Variants in MPPE1 observed in about 807,000 individuals in gnomAD.
MPPE1 encodes metallophosphoesterase 1, also known as metallo phosphoesterase.
In MPPE1, 28 loss-of-function variants were observed where a neutral mutation model predicts 43.8. That is an observed-to-expected ratio of 0.64 (90% CI 0.47 to 0.88). The LOEUF is 0.88. MPPE1 is among the 40% of genes least tolerant of loss of function. MPPE1 has a pLI of 0.00. For missense variants in MPPE1, 428 were observed against 492.2 expected, an observed-to-expected ratio of 0.87 and a Z score of 1.23; for synonymous variants, 159 against 188.5, an observed-to-expected ratio of 0.84 and a Z score of 1.28.
intron 4 of MPPE1, among the ~76,000 whole-genome samples, chr18:11,891,938 C>T (rs902867908): frequency 2.0e-5 from 3 of 151,028 alleles, no homozygotes; most frequent in African/African-American, 7.4e-5. Flanking sequence ...CTTCAGCCTC[C>T]TGAGTAGCGG....
chr18:11,890,164 G>T (rs565308555), intron 4 of MPPE1, among the ~76,000 whole-genome samples: 9 of 151,326 alleles, frequency 5.9e-5, no homozygotes, highest in East Asian at 3.9e-4. Context: ...GGATGGTCGC[G>T]ATCTCCTGAC....
chr18:11,897,132 C>T lies in MPPE1; in HGVS notation c.133G>A (p.Ala45Thr). 5 of 1,438,562 alleles carry T rather than the reference C, an allele frequency of 3.5e-6. No homozygotes were observed. Among genetic ancestry groups the T allele is most frequent in the East Asian group, 2.3e-5 (1 of 43,010 alleles). The allele number at this position is 1,438,562 out of a possible 1,614,324, so 89.1% of individuals were successfully genotyped here. A position where few individuals can be genotyped will look rare whatever the true frequency, so the allele number is the denominator to read the frequency against. Residue 45 changes from alanine to threonine, a missense_variant, in exon 3 of 11, where the codon GCG becomes ACG. Around this residue, in one of 3 missense-constraint regions of MPPE1, gnomAD observed 48 missense variants for 73.5 expected, o/e 0.65. Coordinates refer to ENST00000588072, the MANE Select transcript of MPPE1 (RefSeq NM_023075.6). Reference sequence around the variant, plus strand: ...TCAGGCCAATTACACTGAAAGATCGCTAAGTAATAGATTAAAAATTCACAA... The same window carrying T: ...TCAGGCCAATTACACTGAAAGATCGTTAAGTAATAGATTAAAAATTCACAA... ...LFCEFLIYYL[A>T]IFQCNWPEVK...
intron 10 of MPPE1, chr18:11,885,368 G>A (rs1451131915): frequency 8.8e-6 from 3 of 341,568 alleles, no homozygotes; most frequent in African/African-American, 6.4e-5. Flanking sequence ...TGAATAAATG[G>A]TTGTTTCTTT....
chr18:11,895,139 G>A (rs1007723510), intron 3 of MPPE1: 2 of 152,144 alleles, frequency 1.3e-5, no homozygotes, highest in Admixed American at 1.3e-4. Flanking sequence ...GCTATGTCCT[G>A]GGATATATAA....
In MPPE1 at chr18:11,897,115, A is replaced by G. The variant is rs764613639; in HGVS notation, c.150T>C (p.Asn50=). Residue 50 remains asparagine (N), a synonymous_variant, in exon 3 of 11, where the codon AAT becomes AAC. Coordinates refer to ENST00000588072, the MANE Select transcript of MPPE1 (RefSeq NM_023075.6). ...LIYYLAIFQC[N]WPEVKTTASD... Reference sequence around the variant, plus strand: ...AGGCTGTGGTTTTCACTTCAGGCCAATTACACTGAAAGATCGCTAAGTAAT... The same window carrying G: ...AGGCTGTGGTTTTCACTTCAGGCCAGTTACACTGAAAGATCGCTAAGTAAT... 5.4e-6 allele frequency: 8 copies of G among 1,478,920 alleles called. No homozygotes were observed. The highest frequency in any genetic ancestry group is 3.7e-6 in the Non-Finnish European group (4 of 1,067,388). 91.6% of individuals were successfully genotyped at this position (1,478,920 alleles called of 1,614,324 possible). A position where few individuals can be genotyped will look rare whatever the true frequency, so the allele number is the denominator to read the frequency against.
At chr18:11,893,717 G>A in intron 3 of MPPE1, 141 bp from the exon 4 acceptor site, 1 of 663,736 alleles carries the variant, frequency 1.5e-6, no homozygotes, top group South Asian at 1.8e-5. Flanking sequence ...CCCATCCCTG[G>A]CTTGAAGGGC....
chr18:11,901,600 G>A (rs1168397754), intron 2 of MPPE1, among the ~76,000 whole-genome samples: 2 of 151,830 alleles, frequency 1.3e-5, no homozygotes, highest in African/African-American at 4.8e-5. Flanking sequence ...CAGCACTTTG[G>A]GAGGCCAAGG....
rs367940553 is a variant in MPPE1 at position 11,886,734 on chromosome 18, C to T, written c.723G>A (p.Thr241=). 32 of 1,613,510 alleles carry T rather than the reference C, an allele frequency of 2.0e-5. No individual in the cohort carries two copies. The highest frequency in any genetic ancestry group is 2.7e-5 in the Non-Finnish European group (32 of 1,179,980). The change falls in exon 8 of 11, where the codon ACG becomes ACA. Residue 241 remains threonine, a synonymous_variant. Transcript: ENST00000588072. The surrounding 1 kb of genome is among the most constrained non-coding windows in gnomAD (Gnocchi z 4.1). ...SRCGPGPLLP[T]SAPVLLQHYP... ...TCACCTGCAGGAGGACAGGGGCAGA[C>T]GTGGGCAGCAGAGGCCCAGGTCCAC...
Position 11,884,315 on chromosome 18 carries a change from A to C in MPPE1, c.*130T>G. On this transcript the variant is annotated 3_prime_UTR_variant, in exon 11 of 11. Coordinates refer to ENST00000588072, the MANE Select transcript of MPPE1 (RefSeq NM_023075.6). ...TATTTATTTTGCAGTTACTCATTTC[A>C]GTGATTGAGAATTTCTGTGCTGTGC... is the stretch of plus-strand genomic sequence containing the variant. 1 of 841,838 alleles carries C rather than the reference A, an allele frequency of 1.2e-6. No individual in the cohort carries two copies. Among genetic ancestry groups the C allele is most frequent in the South Asian group, 1.7e-5 (1 of 60,496 alleles). The allele number at this position is 841,838 out of a possible 1,614,324, so 52.1% of individuals were successfully genotyped here.
chr18:11,895,929 A>G (rs981590437), intron 3 of MPPE1, among the ~76,000 whole-genome samples: 1 of 151,736 alleles, frequency 6.6e-6, no homozygotes, highest in Non-Finnish European at 1.5e-5. Context: ...AGCAGCAGGA[A>G]GAAGGTACAG....
At chr18:11,892,504 T>C (rs1044762249) in intron 4 of MPPE1, among the ~76,000 whole-genome samples, 1 of 151,984 alleles carries the variant, frequency 6.6e-6, no homozygotes, top group Non-Finnish European at 1.5e-5. Context: ...ACCCTGTCCC[T>C]ACTAAAAATA....
At chr18:11,887,110 CAT>C in intron 6 of MPPE1, 85 bp from the exon 7 acceptor site, 1 of 959,154 alleles carries the variant, frequency 1.0e-6, no homozygotes, top group African/African-American at 1.6e-5. Context: ...GAAAGCTAAG[CAT>C]CCAGTGCAAA....
rs548540889 is a variant in MPPE1 at position 11,892,355 on chromosome 18, G to GA, written c.390+1112dup. ...ACTCCATCCCCCATAGCACCAAAAA[G>GA]AAAAAAAAAAAAAAAAGAAAAAGAA... On this transcript the variant is annotated intron_variant, in intron 4 of 10. Transcript: ENST00000588072. 6.0e-3 allele frequency among the ~76,000 whole-genome samples: 558 copies of GA among 93,426 alleles called. 3 individuals are homozygous for GA. The highest frequency in any genetic ancestry group is 0.012 in the Middle Eastern group (2 of 162). The allele number at this position is 93,426 out of a possible 152,430, so 61.3% of individuals were successfully genotyped here.
At chr18:11,901,207 A>T (rs576963241) in intron 2 of MPPE1, among the ~76,000 whole-genome samples, 1 of 152,082 alleles carries the variant, frequency 6.6e-6, no homozygotes, top group South Asian at 2.1e-4. Flanking sequence ...CATTACCTAT[A>T]TTAACTCTTG....
At chr18:11,896,666 G>A (rs1015629959) in intron 3 of MPPE1, among the ~76,000 whole-genome samples, 1 of 152,190 alleles carries the variant, frequency 6.6e-6, no homozygotes, top group African/African-American at 2.4e-5. Flanking sequence ...GTAGCATCTT[G>A]TTGTCATTGC....
At chr18:11,893,446 C>T (rs371941720) in intron 4 of MPPE1, 22 bp downstream of exon 4, 1 of 1,546,950 alleles carries the variant, frequency 6.5e-7, no homozygotes, top group Admixed American at 1.7e-5. Flanking sequence ...AGGATGAGGG[C>T]ACCTGGAACA....
At chr18:11,885,523 G>A (rs778225012) in intron 10 of MPPE1, 153 bp downstream of exon 10, 81 of 876,138 alleles carry the variant, frequency 9.2e-5, no homozygotes, top group Non-Finnish European at 1.3e-4. Flanking sequence ...AGGGTGTTTG[G>A]CAAGGGGCAG....
In MPPE1 at chr18:11,893,556, G is replaced by A. The variant is rs201095750; in HGVS notation, c.302C>T (p.Ala101Val). 8 of 1,614,016 alleles carry A rather than the reference G, an allele frequency of 5.0e-6. No homozygotes were observed. Among genetic ancestry groups the A allele is most frequent in the East Asian group, 2.2e-5 (1 of 44,882 alleles). Residue 101 changes from alanine (A) to valine (V), a missense_variant, in exon 4 of 11, where the codon GCG becomes GTG. Physicochemically the swap from Ala to Val is moderately conservative, Grantham distance 64. Around this residue, in one of 3 missense-constraint regions of MPPE1, gnomAD observed 379 missense variants for 402.5 expected, o/e 0.94. Transcript: ENST00000588072. ...CAGCAACCACAGAGCTGTCTGGAAC[G>A]CTCTCTCCATCTGCCATTCCCTTGA... ...KLRREWQMER[A>V]FQTALWLLQP...
intron 1 of MPPE1, among the ~76,000 whole-genome samples, chr18:11,907,381 G>A (rs1052384087): frequency 1.3e-5 from 2 of 152,066 alleles, no homozygotes; most frequent in Non-Finnish European, 2.9e-5. Flanking sequence ...TTTGACTGAT[G>A]ACTCATGGCT....
Sources: gnomAD v4.1 joint callset for allele counts (sites outside exome capture counted in the v4.1 genomes callset) on GRCh38, gnomAD v4.1.1 for gene constraint, gnomAD v4.1.1 regional missense constraint, Gnocchi (gnomAD v3.1) non-coding constraint, MANE v1.5 for transcripts, NCBI Gene and HGNC (gene_info 2026-07-23, HGNC 2026-07-21) for gene names.